The following LRIF1 variants were observed in gnomAD, a reference collection of about 807,000 sequenced individuals.
LRIF1 encodes the protein ligand dependent nuclear receptor interacting factor 1.
In LRIF1, 32 loss-of-function variants were observed where a neutral mutation model predicts 52.7. The ratio of observed to expected loss-of-function variants is 0.61; its 90% CI spans 0.46 to 0.82. The LOEUF (loss-of-function observed/expected upper bound fraction) is 0.82. Among genes scored for constraint, LRIF1 ranks in the 40% least tolerant of loss-of-function variants. The pLI is 0.00. For synonymous variants in LRIF1, 323 were observed against 317.4 expected, an observed-to-expected ratio of 1.02 and a Z score of -0.19; for missense variants, 887 against 892.0, an observed-to-expected ratio of 0.99 and a Z score of 0.07.
chr1:110,963,572 AAGACGGAC>A (rs748512429), intron 1 of LRIF1, 41 bp downstream of exon 1: 2 of 1,525,336 alleles, frequency 1.3e-6, no homozygotes, highest in Non-Finnish European at 1.8e-6. Context: ...CCACATCCCT[AAGACGGAC>A]AGAGGGGCAG....
the LRIF1 span, among the ~76,000 whole-genome samples, chr1:110,930,556 A>G: frequency 2.0e-5 from 3 of 152,020 alleles, no homozygotes; most frequent in Non-Finnish European, 4.4e-5. Flanking sequence ...TCTTATAAGG[A>G]CTCTAATATT....
chr1:110,906,338 C>T, the LRIF1 span, among the ~76,000 whole-genome samples: 1 of 151,958 alleles, frequency 6.6e-6, no homozygotes, highest in Non-Finnish European at 1.5e-5. Context: ...TGAGGCCAGG[C>T]ATTTGAAACC....
At chr1:110,916,547 G>A in the LRIF1 span, among the ~76,000 whole-genome samples, 1 of 151,816 alleles carries the variant, frequency 6.6e-6, no homozygotes, top group Admixed American at 6.6e-5. Context: ...AAAATAGAAA[G>A]CAATAAAAAT....
the LRIF1 span, among the ~76,000 whole-genome samples, chr1:110,889,526 C>G: frequency 5.9e-5 from 9 of 151,716 alleles, no homozygotes; most frequent in African/African-American, 2.2e-4. Context: ...CCACTGCATG[C>G]CAGCCTCGGC....
the LRIF1 span, among the ~76,000 whole-genome samples, chr1:110,879,822 C>G: frequency 6.6e-6 from 1 of 152,144 alleles, no homozygotes; most frequent in Non-Finnish European, 1.5e-5. Flanking sequence ...CCCACCTCAG[C>G]TTCCCAAATG....
At chr1:110,891,034 C>G in the LRIF1 span, among the ~76,000 whole-genome samples, 1 of 152,280 alleles carries the variant, frequency 6.6e-6, no homozygotes, top group Non-Finnish European at 1.5e-5. Context: ...TCCCTGACTT[C>G]AAGGGCTTAA....
chr1:110,876,512 G>A, the LRIF1 span, among the ~76,000 whole-genome samples: 1 of 152,062 alleles, frequency 6.6e-6, no homozygotes, highest in African/African-American at 2.4e-5. Context: ...TATTTCAGGA[G>A]AACTAGATTG....
At chr1:110,949,421 TTC>T (rs889336011) in intron 3 of LRIF1, among the ~76,000 whole-genome samples, 9 of 149,204 alleles carry the variant, frequency 6.0e-5, no homozygotes, top group African/African-American at 2.2e-4. Flanking sequence ...CCTGGCCTGG[TTC>T]TTTTTTTTTT....
At chr1:110,891,471 G>T in the LRIF1 span, 1 of 1,610,588 alleles carries the variant, frequency 6.2e-7, no homozygotes, top group South Asian at 1.1e-5. Flanking sequence ...TGCTCTTTTG[G>T]GTAAGTGTAT....
chr1:110,899,893 T>G, the LRIF1 span: 1 of 93,510 alleles, frequency 1.1e-5, no homozygotes, highest in African/African-American at 2.9e-5. Context: ...ACTATTTTAC[T>G]CTTCAATAAA....
the LRIF1 span, among the ~76,000 whole-genome samples, chr1:110,924,018 C>T: frequency 1.2e-4 from 18 of 151,980 alleles, no homozygotes; most frequent in Admixed American, 8.5e-4. Flanking sequence ...GGAAAAGTCA[C>T]ATTACAAATA....
chr1:110,903,072 TA>T, the LRIF1 span, among the ~76,000 whole-genome samples: 1 of 152,180 alleles, frequency 6.6e-6, no homozygotes, highest in African/African-American at 2.4e-5. Context: ...AGGGAGCATT[TA>T]AATCAGCCCT....
chr1:110,929,380 A>G, the LRIF1 span, among the ~76,000 whole-genome samples: 2 of 152,220 alleles, frequency 1.3e-5, no homozygotes, highest in South Asian at 4.1e-4. Flanking sequence ...CACTTTCACC[A>G]ACAGTGTATA....
the LRIF1 span, among the ~76,000 whole-genome samples, chr1:110,887,356 G>A: frequency 7.2e-5 from 11 of 152,232 alleles, no homozygotes; most frequent in East Asian, 5.8e-4. Flanking sequence ...GAGCCACCGC[G>A]CCCAGCCTAT....
the LRIF1 span, among the ~76,000 whole-genome samples, chr1:110,904,247 C>A: frequency 6.6e-6 from 1 of 152,326 alleles, no homozygotes; most frequent in South Asian, 2.1e-4. Flanking sequence ...GCTTTGCCAT[C>A]TGTGATTGTA....
chr1:110,933,880 A>C, the LRIF1 span, among the ~76,000 whole-genome samples: 1 of 152,108 alleles, frequency 6.6e-6, no homozygotes, highest in Non-Finnish European at 1.5e-5. Context: ...GTGCTGACAT[A>C]ACCTCTCCCC....
the LRIF1 span, among the ~76,000 whole-genome samples, chr1:110,882,992 G>A: frequency 7.2e-5 from 11 of 151,976 alleles, no homozygotes; most frequent in Non-Finnish European, 1.5e-5. Context: ...AGACATTCAT[G>A]ATATCTGTGA....
At chr1:110,949,675 C>T (rs1658378014) in intron 3 of LRIF1, among the ~76,000 whole-genome samples, 176 bp downstream of exon 3, 1 of 152,182 alleles carries the variant, frequency 6.6e-6, no homozygotes, top group Non-Finnish European at 1.5e-5. Flanking sequence ...CCGCCTCAGC[C>T]TTCCAAAGTG....
chr1:110,910,246 G>A, the LRIF1 span, among the ~76,000 whole-genome samples: 1 of 148,880 alleles, frequency 6.7e-6, no homozygotes, highest in Non-Finnish European at 1.5e-5. Flanking sequence ...TCTACACATG[G>A]CACATATTCT....
Sources: allele counts gnomAD v4.1 joint callset (sites outside exome capture counted in the v4.1 genomes callset), GRCh38; gene constraint gnomAD v4.1.1; transcripts MANE v1.5; gene names NCBI Gene and HGNC (gene_info 2026-07-23, HGNC 2026-07-21).